Variants in SNTG2 observed in about 807,000 individuals in gnomAD.
SNTG2 encodes the protein syntrophin gamma 2, also known as gamma-2-syntrophin.
A neutral mutation model predicts 70.9 loss-of-function variants in SNTG2; 74 were observed. The observed-to-expected ratio is 1.04, with a 90% confidence interval of 0.86 to 1.27. The LOEUF (loss-of-function observed/expected upper bound fraction) is 1.27, where lower values mean the gene tolerates loss of function less well. Among genes scored for constraint, SNTG2 ranks in the 50% most tolerant of loss-of-function variants. The pLI is 0.00. For synonymous variants in SNTG2, 278 were observed against 273.8 expected (o/e 1.02, Z -0.15); for missense variants, 717 against 690.7 (o/e 1.04, Z -0.43).
intron 1 of SNTG2, among the ~76,000 whole-genome samples, chr2:954,149 C>T (rs1220296598): frequency 6.6e-6 from 1 of 152,160 alleles, no homozygotes; most frequent in East Asian, 1.9e-4. Flanking sequence ...CTGCTGCGCA[C>T]CCCTAGCTCC....
chr2:1,214,194 C>G (rs374894918), intron 9 of SNTG2, among the ~76,000 whole-genome samples: 196 of 152,296 alleles, frequency 1.3e-3, no homozygotes, highest in African/African-American at 4.5e-3. Flanking sequence ...ATGCCTCCAT[C>G]TTTGCTTTTT....
At chr2:1,229,944 C>G (rs552995076) in intron 9 of SNTG2, among the ~76,000 whole-genome samples, 9 of 152,206 alleles carry the variant, frequency 5.9e-5, no homozygotes, top group African/African-American at 9.6e-5. Flanking sequence ...CCGCAAGCGC[C>G]GCACGCAGCC....
intron 9 of SNTG2, among the ~76,000 whole-genome samples, chr2:1,215,694 TC>T: frequency 7.3e-6 from 1 of 137,004 alleles, no homozygotes; most frequent in Admixed American, 7.6e-5. Flanking sequence ...CCTAATGCTA[TC>T]CCTCCCCCCT....
At chr2:1,179,649 A>G (rs1460844476) in intron 8 of SNTG2, among the ~76,000 whole-genome samples, 1 of 151,956 alleles carries the variant, frequency 6.6e-6, no homozygotes, top group Non-Finnish European at 1.5e-5. Context: ...GCCCAAGGTA[A>G]TTTATAGATT....
At chr2:1,081,457 AC>A (rs1300258741) in intron 1 of SNTG2, among the ~76,000 whole-genome samples, 1 of 152,234 alleles carries the variant, frequency 6.6e-6, no homozygotes, top group Non-Finnish European at 1.5e-5. Context: ...ATGGGGAAAT[AC>A]TGAGGAGGGT....
chr2:1,072,498 C>G (rs997908017), intron 1 of SNTG2, among the ~76,000 whole-genome samples: 1 of 151,796 alleles, frequency 6.6e-6, no homozygotes, highest in African/African-American at 2.4e-5. Flanking sequence ...TTTTAGCACA[C>G]TGTTGTGATC....
At chr2:1,000,799 G>A (rs1356963458) in intron 1 of SNTG2, among the ~76,000 whole-genome samples, 2 of 151,466 alleles carry the variant, frequency 1.3e-5, no homozygotes, top group South Asian at 2.1e-4. Flanking sequence ...AAAAAACCTA[G>A]CAAGAACACA....
At position 1,158,642 on chromosome 2, in the gene SNTG2, G is replaced by C. The variant is rs150356833; in HGVS notation, c.412-6906G>C. 1.8e-3 allele frequency among the ~76,000 whole-genome samples: 280 copies of C among 152,360 alleles called. 3 individuals carry two copies. The highest frequency in any genetic ancestry group is 6.4e-3 in the African/African-American group (268 of 41,588). ...TGCATTTCACCATGGTTGGGATTTG[G>C]GGCAGTTAGGCACAGCACGGCCAGG... On this transcript the variant is annotated intron_variant, in intron 6 of 16. Transcript: ENST00000308624.
chr2:962,930 C>T (rs149204527), intron 1 of SNTG2, among the ~76,000 whole-genome samples: 3 of 152,188 alleles, frequency 2.0e-5, no homozygotes, highest in Non-Finnish European at 4.4e-5. Context: ...CCTCTACTAG[C>T]GGGGAATTTG....
At chr2:991,239 G>A in intron 1 of SNTG2, among the ~76,000 whole-genome samples, 1 of 152,076 alleles carries the variant, frequency 6.6e-6, no homozygotes, top group East Asian at 1.9e-4. Context: ...ATGTATTAAT[G>A]TCTAATGGAT....
At chr2:1,275,199 C>T (rs1016216254) in intron 14 of SNTG2, among the ~76,000 whole-genome samples, 2 of 152,236 alleles carry the variant, frequency 1.3e-5, no homozygotes, top group African/African-American at 4.8e-5. Context: ...GCATTAGTCC[C>T]CACCTCTTAA....
intron 13 of SNTG2, among the ~76,000 whole-genome samples, chr2:1,259,700 T>G (rs72770611): frequency 0.092 from 13,950 of 152,278 alleles, 706 homozygotes; most frequent in South Asian, 0.15. Context: ...TGTGTGTGTT[T>G]TACGGGAGAG....
intron 8 of SNTG2, among the ~76,000 whole-genome samples, chr2:1,204,622 G>A (rs777935172): frequency 3.9e-5 from 6 of 152,150 alleles, no homozygotes; most frequent in African/African-American, 7.2e-5. Context: ...ACAAGGAGAC[G>A]GAGGAGTACA....
intron 9 of SNTG2, among the ~76,000 whole-genome samples, chr2:1,233,939 G>T (rs1676436692): frequency 6.6e-6 from 1 of 152,050 alleles, no homozygotes; most frequent in Non-Finnish European, 1.5e-5. Context: ...CCTTCACTTG[G>T]TGTGGCTTTG....
chr2:1,007,499 T>C, intron 1 of SNTG2, among the ~76,000 whole-genome samples: 1 of 152,174 alleles, frequency 6.6e-6, no homozygotes, highest in Non-Finnish European at 1.5e-5. Flanking sequence ...TAATTATATG[T>C]GTTACACATT....
At chr2:1,233,539 C>T (rs1169680810) in intron 9 of SNTG2, among the ~76,000 whole-genome samples, 2 of 152,062 alleles carry the variant, frequency 1.3e-5, no homozygotes, top group Non-Finnish European at 2.9e-5. Context: ...CCGCAGGGTG[C>T]AGGGTTGAGG....
At chr2:1,278,817 A>C (rs1271845176) in intron 14 of SNTG2, among the ~76,000 whole-genome samples, 1 of 152,198 alleles carries the variant, frequency 6.6e-6, no homozygotes, top group Non-Finnish European at 1.5e-5. Flanking sequence ...GTCCAAAGAT[A>C]TTAAGTGAAA....
chr2:1,339,715 C>A (rs1246052618), intron 16 of SNTG2, among the ~76,000 whole-genome samples: 1 of 152,176 alleles, frequency 6.6e-6, no homozygotes, highest in African/African-American at 2.4e-5. Context: ...AATGTAAACC[C>A]TTCTGCCACA....
chr2:1,222,239 T>C (rs971909255), intron 9 of SNTG2, among the ~76,000 whole-genome samples: 1 of 152,162 alleles, frequency 6.6e-6, no homozygotes, highest in Non-Finnish European at 1.5e-5. Context: ...TTATTCGTTT[T>C]TTTTCATTTT....
Sources: allele counts gnomAD v4.1 joint callset (sites outside exome capture counted in the v4.1 genomes callset), GRCh38; gene constraint gnomAD v4.1.1; transcripts MANE v1.5; gene names NCBI Gene and HGNC (gene_info 2026-07-23, HGNC 2026-07-21).